Variants in PTPRC observed in about 807,000 individuals in gnomAD.
PTPRC encodes receptor-type tyrosine-protein phosphatase C.
PTPRC carries 44 observed loss-of-function variants against 155.9 expected under a neutral mutation model. The ratio of observed to expected loss-of-function variants is 0.28; its 90% CI spans 0.22 to 0.36. The LOEUF (loss-of-function observed/expected upper bound fraction) is 0.36, where lower values mean the gene tolerates loss of function less well. Ranked by LOEUF, PTPRC falls within the 10% of genes least tolerant of loss-of-function variation. The pLI, the probability that PTPRC is intolerant of heterozygous loss-of-function variation, is 1.00. For missense variants in PTPRC, 1,401 were observed against 1,564.6 expected, an observed-to-expected ratio of 0.90 and a Z score of 1.76; for synonymous variants, 525 against 533.1, an observed-to-expected ratio of 0.98 and a Z score of 0.21.
intron 2 of PTPRC, among the ~76,000 whole-genome samples, chr1:198,691,460 T>C (rs1665920165): frequency 6.6e-6 from 1 of 152,102 alleles, no homozygotes; most frequent in South Asian, 2.1e-4. Flanking sequence ...ATAGGTCCTT[T>C]TCCCCCAACC....
intron 3 of PTPRC, 136 bp downstream of exon 3, chr1:198,692,509 T>C: frequency 9.0e-7 from 1 of 1,108,858 alleles, no homozygotes; most frequent in South Asian, 3.3e-5. Flanking sequence ...ATTCTTGACA[T>C]TCACTTGTTC....
At chr1:198,680,438 GC>G (rs1394308173) in intron 2 of PTPRC, among the ~76,000 whole-genome samples, 1 of 145,526 alleles carries the variant, frequency 6.9e-6, no homozygotes, top group African/African-American at 2.6e-5. Context: ...GGGCCACAGA[GC>G]AAAACTCTCT....
chr1:198,643,507 T>A (rs1233386368), intron 2 of PTPRC, among the ~76,000 whole-genome samples: 2 of 151,904 alleles, frequency 1.3e-5, no homozygotes, highest in African/African-American at 4.8e-5. Context: ...TGATTTTGGA[T>A]CTAGATGTTT....
intron 2 of PTPRC, among the ~76,000 whole-genome samples, chr1:198,659,845 A>G (rs1017291208): frequency 2.0e-5 from 3 of 151,854 alleles, no homozygotes; most frequent in Non-Finnish European, 4.4e-5. Flanking sequence ...CCTGACCAAG[A>G]ATATTTTTCT....
At chr1:198,755,086 T>G (rs1353842099) in intron 32 of PTPRC, among the ~76,000 whole-genome samples, 1 of 152,034 alleles carries the variant, frequency 6.6e-6, no homozygotes, top group African/African-American at 2.4e-5. Flanking sequence ...CACACATGTC[T>G]TCTTCTGTAT....
At chr1:198,641,374 T>A (rs1444623889) in intron 2 of PTPRC, among the ~76,000 whole-genome samples, 1 of 152,042 alleles carries the variant, frequency 6.6e-6, no homozygotes, top group Non-Finnish European at 1.5e-5. Flanking sequence ...ATTAGTTTAG[T>A]GCCTACAGGA....
intron 27 of PTPRC, 60 bp from the exon 28 acceptor site, chr1:198,749,356 A>G: frequency 2.0e-6 from 3 of 1,507,876 alleles, no homozygotes; most frequent in Non-Finnish European, 2.8e-6. Context: ...TTTCCACATG[A>G]CAATGAAGAA....
At chr1:198,642,475 T>C (rs1159626144) in intron 2 of PTPRC, among the ~76,000 whole-genome samples, 1 of 151,886 alleles carries the variant, frequency 6.6e-6, no homozygotes, top group Non-Finnish European at 1.5e-5. Context: ...CTCCATTTGG[T>C]TACGTATCAT....
intron 28 of PTPRC, 68 bp downstream of exon 28, chr1:198,749,617 ATT>A: frequency 6.8e-7 from 1 of 1,474,178 alleles, no homozygotes; most frequent in Admixed American, 1.7e-5. Flanking sequence ...TATTAGGGCC[ATT>A]CATTAAGCGA....
intron 2 of PTPRC, among the ~76,000 whole-genome samples, chr1:198,656,119 A>C (rs1663552033): frequency 6.6e-6 from 1 of 152,154 alleles, no homozygotes; most frequent in Admixed American, 6.6e-5. Context: ...AAATTTAAGA[A>C]GTTTTAACAA....
chr1:198,709,929 A>T (rs1449078813), intron 11 of PTPRC, 105 bp downstream of exon 11: 13 of 1,461,658 alleles, frequency 8.9e-6, no homozygotes, highest in Non-Finnish European at 1.1e-5. Context: ...TGTTTTTGAT[A>T]CTTTTTAAGC....
chr1:198,674,597 A>T (rs1274502561), intron 2 of PTPRC, among the ~76,000 whole-genome samples: 1 of 150,034 alleles, frequency 6.7e-6, no homozygotes. Context: ...TGGGGCTATG[A>T]TTGCAAACAT....
At chr1:198,741,100 G>A (rs1654879672) in intron 23 of PTPRC, among the ~76,000 whole-genome samples, 1 of 151,806 alleles carries the variant, frequency 6.6e-6, no homozygotes, top group Non-Finnish European at 1.5e-5. Context: ...TAGATATGAG[G>A]ATATATTTCT....
intron 15 of PTPRC, among the ~76,000 whole-genome samples, chr1:198,723,625 C>T (rs1170039584): frequency 1.3e-5 from 2 of 152,120 alleles, no homozygotes; most frequent in Non-Finnish European, 2.9e-5. Flanking sequence ...TAATTTATAG[C>T]AGTCATAGAC....
chr1:198,706,445 T>C (rs1452204618), intron 8 of PTPRC, among the ~76,000 whole-genome samples: 8 of 152,150 alleles, frequency 5.3e-5, no homozygotes, highest in Non-Finnish European at 1.0e-4. Flanking sequence ...GAATTTACAG[T>C]GATAATAAAA....
intron 2 of PTPRC, chr1:198,680,002 AG>A (rs1401760962): frequency 9.8e-6 from 6 of 610,028 alleles, no homozygotes; most frequent in Non-Finnish European, 1.8e-5. Flanking sequence ...CACTTCCTGC[AG>A]GCTCAAGGGC....
chr1:198,730,491 A>T (rs958659625), intron 17 of PTPRC, among the ~76,000 whole-genome samples: 2 of 152,160 alleles, frequency 1.3e-5, no homozygotes, highest in Non-Finnish European at 2.9e-5. Context: ...GATAAATATT[A>T]GTGAATAAAT....
At chr1:198,714,929 CATT>C (rs777699053) in intron 12 of PTPRC, among the ~76,000 whole-genome samples, 6 of 151,982 alleles carry the variant, frequency 3.9e-5, no homozygotes, top group Non-Finnish European at 8.8e-5. Context: ...ATGCAATTGA[CATT>C]AATTTAGTTT....
chr1:198,699,372 GTAAA>G (rs1666353594), intron 4 of PTPRC, among the ~76,000 whole-genome samples, 188 bp from the exon 5 acceptor site: 1 of 152,246 alleles, frequency 6.6e-6, no homozygotes, highest in Non-Finnish European at 1.5e-5. Context: ...CCAAGGCTAT[GTAAA>G]TAGAGGACTC....
Sources: allele counts gnomAD v4.1 joint callset (sites outside exome capture counted in the v4.1 genomes callset), GRCh38; gene constraint gnomAD v4.1.1; transcripts MANE v1.5; gene names NCBI Gene and HGNC (gene_info 2026-07-23, HGNC 2026-07-21).